SLC8A1: variants seen among roughly 807,000 people sequenced by gnomAD.
SLC8A1 encodes sodium/calcium exchanger 1.
A neutral mutation model predicts 68.3 loss-of-function variants in SLC8A1; 18 were observed. The observed-to-expected ratio is 0.26, with a 90% CI of 0.18 to 0.39. The LOEUF is 0.39. Among genes scored for constraint, SLC8A1 ranks in the 10% least tolerant of loss-of-function variants. The probability of loss-of-function intolerance (pLI) is 1.00; values close to 1 mark genes in which losing one functional copy is unlikely to be tolerated. For synonymous variants in SLC8A1, 475 were observed against 415.5 expected, an observed-to-expected ratio of 1.14 and a Z score of -1.74; for missense variants, 985 against 1,156.7, an observed-to-expected ratio of 0.85 and a Z score of 2.15.
chr2:40,488,895 G>C (rs1705141692), intron 1 of SLC8A1, among the ~76,000 whole-genome samples: 1 of 152,118 alleles, frequency 6.6e-6, no homozygotes, highest in Admixed American at 6.6e-5. Flanking sequence ...TTCAGAGAGA[G>C]AGACTTACAC....
chr2:40,200,548 T>G (rs2054164192), intron 2 of SLC8A1, among the ~76,000 whole-genome samples: 1 of 151,376 alleles, frequency 6.6e-6, no homozygotes, highest in South Asian at 2.1e-4. Flanking sequence ...TTTTGGAAGC[T>G]TAGTCCCTCT....
chr2:40,259,198 C>G (rs954604222), intron 2 of SLC8A1, among the ~76,000 whole-genome samples: 2 of 152,172 alleles, frequency 1.3e-5, no homozygotes, highest in African/African-American at 4.8e-5. Context: ...GAAATTCTGT[C>G]TGTGATATTC....
chr2:40,330,384 G>A (rs927712664), intron 2 of SLC8A1, among the ~76,000 whole-genome samples: 15 of 152,156 alleles, frequency 9.9e-5, no homozygotes, highest in Non-Finnish European at 2.2e-4. Flanking sequence ...TGAAAACTAT[G>A]TGTGTTGTTG....
At chr2:40,397,444 G>T (rs929916813) in intron 2 of SLC8A1, among the ~76,000 whole-genome samples, 3 of 152,154 alleles carry the variant, frequency 2.0e-5, no homozygotes, top group Non-Finnish European at 4.4e-5. Context: ...TGAGGACTAG[G>T]GAAGAGGAAT....
chr2:40,415,700 A>G (rs992410354), intron 2 of SLC8A1, among the ~76,000 whole-genome samples: 8 of 152,062 alleles, frequency 5.3e-5, no homozygotes, highest in Admixed American at 4.6e-4. Flanking sequence ...AAGAAAAGCA[A>G]TCTCAACCAG....
chr2:40,393,394 T>C (rs1447513047), intron 2 of SLC8A1, among the ~76,000 whole-genome samples: 1 of 152,088 alleles, frequency 6.6e-6, no homozygotes, highest in Non-Finnish European at 1.5e-5. Flanking sequence ...AATGAAAATC[T>C]CACATATAAA....
At chr2:40,202,525 G>A (rs570464882) in intron 2 of SLC8A1, among the ~76,000 whole-genome samples, 2 of 151,984 alleles carry the variant, frequency 1.3e-5, no homozygotes, top group African/African-American at 2.4e-5. Flanking sequence ...GAATAGAAGG[G>A]GAAACAATCA....
intron 2 of SLC8A1, among the ~76,000 whole-genome samples, chr2:40,236,952 G>A (rs1574491592): frequency 6.6e-6 from 1 of 152,134 alleles, no homozygotes; most frequent in Admixed American, 6.5e-5. Context: ...GGCTTGTAGG[G>A]TTTCTGCCGA....
At chr2:40,158,300 A>T (rs2044982214) in intron 6 of SLC8A1, among the ~76,000 whole-genome samples, 1 of 152,228 alleles carries the variant, frequency 6.6e-6, no homozygotes, top group Admixed American at 6.5e-5. Flanking sequence ...AGACAGTTAA[A>T]TTTAATCATA....
chr2:40,507,637 C>G (rs1379806120), intron 1 of SLC8A1, among the ~76,000 whole-genome samples: 1 of 151,980 alleles, frequency 6.6e-6, no homozygotes, highest in Non-Finnish European at 1.5e-5. Flanking sequence ...ATGCAGCCTT[C>G]AAATCCTACT....
intron 2 of SLC8A1, among the ~76,000 whole-genome samples, chr2:40,328,297 G>C (rs1334139321): frequency 1.3e-5 from 2 of 152,112 alleles, no homozygotes; most frequent in Non-Finnish European, 2.9e-5. Context: ...ATTAGTAATA[G>C]TTATTCTTTC....
intron 2 of SLC8A1, among the ~76,000 whole-genome samples, chr2:40,363,404 A>C (rs1675159709): frequency 6.6e-6 from 1 of 152,052 alleles, no homozygotes; most frequent in South Asian, 2.1e-4. Context: ...GTCACTACTA[A>C]ACTATGTGCT....
At chr2:40,213,547 A>C (rs1444911962) in intron 2 of SLC8A1, 1 of 152,260 alleles carries the variant, frequency 6.6e-6, no homozygotes, top group Non-Finnish European at 1.5e-5. Context: ...GCAGTAGCAA[A>C]GTACTAAGAT....
intron 2 of SLC8A1, among the ~76,000 whole-genome samples, chr2:40,275,265 C>A (rs1349334970): frequency 6.6e-6 from 1 of 152,164 alleles, no homozygotes; most frequent in African/African-American, 2.4e-5. Flanking sequence ...GAGGCACCTA[C>A]AGGACAGAGA....
At chr2:40,200,227 T>TG (rs2054017273) in intron 2 of SLC8A1, among the ~76,000 whole-genome samples, 1 of 28,148 alleles carries the variant, frequency 3.6e-5, no homozygotes, top group South Asian at 1.5e-3. Flanking sequence ...TATTTTTTTA[T>TG]ATATATATAT....
At chr2:40,436,406 G>T (rs938721859) in intron 1 of SLC8A1, among the ~76,000 whole-genome samples, 1 of 152,084 alleles carries the variant, frequency 6.6e-6, no homozygotes, top group Admixed American at 6.6e-5. Flanking sequence ...AAATCAGATT[G>T]TAAAGTCAAT....
At position 40,200,227 on chromosome 2, in the gene SLC8A1, T is replaced by TAA. The variant is rs1558722769; in HGVS notation, c.1809-22373_1809-22372insTT. Among the ~76,000 whole-genome samples, 26 of 28,136 alleles carry TAA rather than the reference T, an allele frequency of 9.2e-4. 1 individual carries two copies. Among genetic ancestry groups the TAA allele is most frequent in the African/African-American group, 2.7e-3 (26 of 9,542 alleles). 18.5% of individuals were successfully genotyped at this position (28,136 alleles called of 152,430 possible). A position where few individuals can be genotyped will look rare whatever the true frequency, so the allele number is the denominator to read the frequency against. The stretch of plus-strand genomic sequence containing the variant: ...ATATAAATATATATATATTTTTTTA[T>TAA]ATATATATATAAATATATATATATA... On this transcript the variant is annotated intron_variant, in intron 2 of 7. Transcript: ENST00000406785.
chr2:40,451,751 A>T (rs866283440), intron 1 of SLC8A1, among the ~76,000 whole-genome samples, 153 bp downstream of exon 1: 20 of 149,732 alleles, frequency 1.3e-4, no homozygotes, highest in East Asian at 1.2e-3. Context: ...ACACACACAC[A>T]CACACACACA....
At position 40,433,359 on chromosome 2, in the gene SLC8A1, C is replaced by T. The variant is rs149061848; in HGVS notation, c.-24-3055G>A. ...TTATTCTGTGTCCAAAACTATTTTG[C>T]TTTTTCCTTCTTAGAAGCAAGTTTC... On this transcript the variant is annotated intron_variant, in intron 1 of 7. Coordinates refer to ENST00000406785, the Ensembl canonical transcript of SLC8A1. Among the ~76,000 whole-genome samples, 775 of 152,268 alleles carry T rather than the reference C, an allele frequency of 5.1e-3. 4 individuals carry two copies. The highest frequency in any genetic ancestry group is 0.02 in the Middle Eastern group (6 of 294).
Sources: gnomAD v4.1 joint callset for allele counts (sites outside exome capture counted in the v4.1 genomes callset) on GRCh38, gnomAD v4.1.1 for gene constraint, MANE v1.5 for transcripts, NCBI Gene and HGNC (gene_info 2026-07-23, HGNC 2026-07-21) for gene names.